The following PPP4R2 variants were observed in gnomAD, a reference collection of about 807,000 sequenced individuals.
PPP4R2 encodes the protein protein phosphatase 4 regulatory subunit 2.
Under a neutral mutation model 47.2 loss-of-function variants are expected in PPP4R2, and 13 were observed. That is an observed-to-expected ratio of 0.28 (90% CI 0.18 to 0.44). The LOEUF (loss-of-function observed/expected upper bound fraction) is 0.44, where lower values mean the gene tolerates loss of function less well. PPP4R2 is among the 20% of genes least tolerant of loss of function. The pLI is 1.00. For missense variants in PPP4R2, 421 were observed against 491.2 expected, an observed-to-expected ratio of 0.86 and a Z score of 1.35; for synonymous variants, 151 against 163.3, an observed-to-expected ratio of 0.92 and a Z score of 0.57.
At position 73,002,629 on chromosome 3, in the gene PPP4R2, CTTTTCTTTTTTTTTTTTT is replaced by C. The variant is rs1428710715; in HGVS notation, c.116+4476_116+4493del. Reference sequence around the variant, plus strand: ...TTTTTCTTTTCTTTTCTTTTCTTTTCTTTTCTTTTTTTTTTTTTTTTTTTTTTTTTGAGACGGAGTCTC... The same window carrying C: ...TTTTTCTTTTCTTTTCTTTTCTTTTCTTTTTTTTTTTTGAGACGGAGTCTC... On this transcript the variant is annotated intron_variant, in intron 2 of 8. Transcript: ENST00000356692. 5.9e-4 allele frequency among the ~76,000 whole-genome samples: 49 copies of C among 83,008 alleles called. No individual in the cohort carries two copies. The South Asian group carries it at 8.1e-3, about 14-fold the overall frequency. The allele number at this position is 83,008 out of a possible 152,430, so 54.5% of individuals were successfully genotyped here. A position where few individuals can be genotyped will look rare whatever the true frequency, so the allele number is the denominator to read the frequency against.
chr3:73,038,645 A>AG (rs1702315153), intron 2 of PPP4R2, among the ~76,000 whole-genome samples: 1 of 152,124 alleles, frequency 6.6e-6, no homozygotes, highest in African/African-American at 2.4e-5. Context: ...CCGCCCAGCC[A>AG]GGGACATTTT....
intron 2 of PPP4R2, among the ~76,000 whole-genome samples, chr3:73,020,980 T>G (rs1701948179): frequency 6.6e-6 from 1 of 152,104 alleles, no homozygotes. Flanking sequence ...AACACATGAA[T>G]TTTAGTGGTG....
chr3:73,055,575 A>AT (rs11441239), intron 3 of PPP4R2, among the ~76,000 whole-genome samples: 2,445 of 151,644 alleles, frequency 0.016, 75 homozygotes, highest in African/African-American at 0.056. Flanking sequence ...CTAGCTAGTC[A>AT]TGTCCTTTTT....
At chr3:73,002,634 C>CTTT (rs1173734970) in intron 2 of PPP4R2, among the ~76,000 whole-genome samples, 20 of 41,164 alleles carry the variant, frequency 4.9e-4, no homozygotes, top group African/African-American at 1.3e-3. Flanking sequence ...CTTTTCTTTT[C>CTTT]TTTTTTTTTT....
At chr3:73,019,963 T>G (rs1230551524) in intron 2 of PPP4R2, among the ~76,000 whole-genome samples, 2 of 152,204 alleles carry the variant, frequency 1.3e-5, no homozygotes, top group South Asian at 2.1e-4. Flanking sequence ...GGTGTAGGCT[T>G]CTTCTAGAGG....
chr3:73,026,113 T>C (rs1702058561), intron 2 of PPP4R2, among the ~76,000 whole-genome samples: 1 of 152,236 alleles, frequency 6.6e-6, no homozygotes, highest in Non-Finnish European at 1.5e-5. Flanking sequence ...TTAAAATCTT[T>C]CTGCACCTTC....
rs1176906065 is a variant in PPP4R2 at position 72,996,995 on chromosome 3, A to G, written c.-43A>G. 2 of 1,339,726 alleles carry G rather than the reference A, an allele frequency of 1.5e-6. No homozygotes were observed. Among genetic ancestry groups the G allele is most frequent in the East Asian group, 3.1e-5 (1 of 32,444 alleles). The allele number at this position is 1,339,726 out of a possible 1,614,324, so 83.0% of individuals were successfully genotyped here. A position where few individuals can be genotyped will look rare whatever the true frequency, so the allele number is the denominator to read the frequency against. ...GGGGAGGCGTTCCGGTCCCCAAGAG[A>G]CCCGCGGAGGGAGGCGGAGGCTGTG... is the stretch of plus-strand genomic sequence containing the variant. On this transcript the variant is annotated 5_prime_UTR_variant, in exon 1 of 9. Transcript: ENST00000356692.
At chr3:73,033,533 G>T (rs1255220098) in intron 2 of PPP4R2, among the ~76,000 whole-genome samples, 1 of 152,166 alleles carries the variant, frequency 6.6e-6, no homozygotes, top group Non-Finnish European at 1.5e-5. Flanking sequence ...GGCAAAACAT[G>T]CATAAAATGA....
chr3:73,060,911 A>G (rs1016329250), intron 4 of PPP4R2, 112 bp from the exon 5 acceptor site: 14 of 640,768 alleles, frequency 2.2e-5, no homozygotes, highest in Admixed American at 3.8e-5. Flanking sequence ...TACTAGCAAA[A>G]TTAGAATCAA....
intron 3 of PPP4R2, among the ~76,000 whole-genome samples, chr3:73,051,322 G>A (rs542503572): frequency 3.3e-5 from 5 of 152,200 alleles, no homozygotes; most frequent in Non-Finnish European, 7.3e-5. Flanking sequence ...AAATGTGGTT[G>A]TTGATGCTTT....
At chr3:73,019,337 A>G (rs368824614) in intron 2 of PPP4R2, among the ~76,000 whole-genome samples, 16 of 152,182 alleles carry the variant, frequency 1.1e-4, no homozygotes, top group African/African-American at 3.4e-4. Flanking sequence ...GATGAAAAAC[A>G]GAACACTGTC....
At chr3:73,031,202 T>A (rs190279773) in intron 2 of PPP4R2, among the ~76,000 whole-genome samples, 1 of 152,310 alleles carries the variant, frequency 6.6e-6, no homozygotes, top group Admixed American at 6.5e-5. Flanking sequence ...CAAAGCTAAG[T>A]GATACACCTC....
intron 2 of PPP4R2, among the ~76,000 whole-genome samples, chr3:73,017,066 A>G (rs184904015): frequency 6.6e-6 from 1 of 151,976 alleles, no homozygotes; most frequent in East Asian, 1.9e-4. Context: ...AGCTCAAGTG[A>G]TCTGCTTGCT....
At chr3:73,020,881 G>A (rs1423809943) in intron 2 of PPP4R2, among the ~76,000 whole-genome samples, 1 of 151,868 alleles carries the variant, frequency 6.6e-6, no homozygotes, top group African/African-American at 2.4e-5. Context: ...AAGTTCTCAG[G>A]TGTCTTCTTA....
intron 2 of PPP4R2, among the ~76,000 whole-genome samples, chr3:73,004,075 A>G (rs939022248): frequency 1.3e-5 from 2 of 151,662 alleles, no homozygotes; most frequent in Non-Finnish European, 2.9e-5. Flanking sequence ...ACTTCAAGTG[A>G]TCTGCCTGTC....
chr3:72,998,964 C>T (rs1029662139), intron 2 of PPP4R2, among the ~76,000 whole-genome samples: 1 of 152,070 alleles, frequency 6.6e-6, no homozygotes, highest in African/African-American at 2.4e-5. Flanking sequence ...GTTATCTGCC[C>T]AGTATGAGTG....
chr3:73,013,669 T>C (rs1701769182), intron 2 of PPP4R2, among the ~76,000 whole-genome samples: 2 of 151,830 alleles, frequency 1.3e-5, no homozygotes, highest in Non-Finnish European at 2.9e-5. Context: ...GAGACAGTCT[T>C]GCTCTGTTGC....
At chr3:73,040,251 C>G (rs1702349808) in intron 2 of PPP4R2, among the ~76,000 whole-genome samples, 1 of 152,118 alleles carries the variant, frequency 6.6e-6, no homozygotes, top group Non-Finnish European at 1.5e-5. Context: ...GAAAGGTTAT[C>G]ATACTCAAAT....
intron 2 of PPP4R2, among the ~76,000 whole-genome samples, chr3:73,045,806 G>C (rs959618477): frequency 6.6e-6 from 1 of 152,164 alleles, no homozygotes; most frequent in Non-Finnish European, 1.5e-5. Context: ...ATCACACCCA[G>C]TCTGCTAATC....
Sources: gnomAD v4.1 joint callset for allele counts (sites outside exome capture counted in the v4.1 genomes callset) on GRCh38, gnomAD v4.1.1 for gene constraint, MANE v1.5 for transcripts, NCBI Gene and HGNC (gene_info 2026-07-23, HGNC 2026-07-21) for gene names.